The following CREBBP variants were observed in gnomAD, a reference collection of about 807,000 sequenced individuals.
CREBBP encodes CREB binding lysine acetyltransferase.
In CREBBP, 19 loss-of-function variants were observed where a neutral mutation model predicts 265.0. The ratio of observed to expected loss-of-function variants is 0.07; its 90% CI spans 0.05 to 0.11. CREBBP has a LOEUF of 0.11. Among genes scored for constraint, CREBBP ranks in the 10% least tolerant of loss-of-function variants. The pLI is 1.00. For synonymous variants in CREBBP, 1,457 were observed against 1,223.7 expected (o/e 1.19, Z -3.98); for missense variants, 2,525 against 3,219.0 (o/e 0.78, Z 5.22).
chr16:3,798,851 G>T (rs2053657598), intron 3 of CREBBP, among the ~76,000 whole-genome samples: 1 of 152,110 alleles, frequency 6.6e-6, no homozygotes, highest in Admixed American at 6.6e-5. Context: ...CAAAAGAACT[G>T]AAAATGCACG....
chr16:3,802,186 CA>C (rs1252345466), intron 3 of CREBBP, among the ~76,000 whole-genome samples: 41 of 112,698 alleles, frequency 3.6e-4, no homozygotes, highest in Non-Finnish European at 9.8e-5. Flanking sequence ...GGCTGGAGTG[CA>C]ATAGCATGAT....
Position 3,773,781 on chromosome 16 carries a change from C to A in CREBBP, c.2433G>T (p.Gly811=), listed in dbSNP as rs2141214748. The A allele has an allele frequency of 1.2e-6, 2 of 1,613,756 alleles. No individual in the cohort carries two copies. The highest frequency in any genetic ancestry group is 8.5e-7 in the Non-Finnish European group (1 of 1,180,036). ...SSSGAMSVGM[G]QPPAQTGVSQ... is the part of the protein sequence containing the mutation. ...ACACGCCTGTTTGGGCTGGCGGCTG[C>A]CCCATGCCCACACTCATCGCCCCGC... Residue 811 remains glycine, a synonymous_variant, in exon 13 of 31, where the codon GGG becomes GGT. Coordinates refer to ENST00000262367, the MANE Select transcript of CREBBP (RefSeq NM_004380.3).
intron 5 of CREBBP, 52 bp from the exon 6 acceptor site, chr16:3,782,978 G>A (rs2141253430): frequency 6.2e-7 from 1 of 1,611,302 alleles, no homozygotes. Context: ...GTAAAAGGGA[G>A]AAGCCCACGA....
At chr16:3,810,537 G>T in intron 3 of CREBBP, 66 bp downstream of exon 3, 1 of 1,566,794 alleles carries the variant, frequency 6.4e-7, no homozygotes, top group South Asian at 1.1e-5. Context: ...CTGTGAGAAT[G>T]GTAAAAATCC....
chr16:3,877,563 T>G (rs563678762), intron 1 of CREBBP, among the ~76,000 whole-genome samples: 2 of 152,240 alleles, frequency 1.3e-5, no homozygotes, highest in Admixed American at 6.5e-5. Flanking sequence ...TCACCATGCC[T>G]GGCTATGTTT....
At chr16:3,781,428 T>C in intron 6 of CREBBP, 122 bp from the exon 7 acceptor site, 1 of 796,512 alleles carries the variant, frequency 1.3e-6, no homozygotes, top group South Asian at 1.5e-5. Context: ...TAAGTGATTC[T>C]GGCCAGTTAT....
In CREBBP at chr16:3,850,730, G is replaced by T; in HGVS notation, c.365C>A (p.Pro122His). Residue 122 changes from proline to histidine, a missense_variant, in exon 2 of 31, where the codon CCT becomes CAT. Transcript: ENST00000262367. Reference sequence around the variant, plus strand: ...GGCTGAAGAATCTCCCTGGCTCAGAGGGCTCTTGCCCATGGCACTGAGGCT... The same window carrying T: ...GGCTGAAGAATCTCCCTGGCTCAGATGGCTCTTGCCCATGGCACTGAGGCT... ...MASLSAMGKS[P>H]LSQGDSSAPS... 7 of 1,614,076 alleles carry T rather than the reference G, an allele frequency of 4.3e-6. No individual in the cohort carries two copies. The highest frequency in any genetic ancestry group is 5.9e-6 in the Non-Finnish European group (7 of 1,180,054).
chr16:3,833,096 A>AGT (rs1358343708), intron 2 of CREBBP, among the ~76,000 whole-genome samples: 3 of 152,244 alleles, frequency 2.0e-5, no homozygotes, highest in Non-Finnish European at 4.4e-5. Flanking sequence ...AGACAAGGGA[A>AGT]GAACACTGTC....
Position 3,865,311 on chromosome 16 carries a change from TA to T in CREBBP, c.86-14303del, listed in dbSNP as rs2055155545. 2.0e-5 allele frequency among the ~76,000 whole-genome samples: 3 copies of T among 152,200 alleles called. No homozygotes were observed. In the South Asian group the frequency reaches 6.2e-4, roughly 32 times the overall value. ...GTTTGTGAGAAGACAAGACTGGAAA[TA>T]ACCTAAATGTCCACCAGTGGGGAGA... On this transcript the variant is annotated intron_variant, in intron 1 of 30. Transcript: ENST00000262367.
chr16:3,766,425 TCTTA>T (rs1299715498), intron 16 of CREBBP, among the ~76,000 whole-genome samples: 1 of 152,224 alleles, frequency 6.6e-6, no homozygotes, highest in Non-Finnish European at 1.5e-5. Context: ...ACGCCACTAT[TCTTA>T]CTTATTTTTG....
At chr16:3,841,515 C>G (rs2054566498) in intron 2 of CREBBP, among the ~76,000 whole-genome samples, 1 of 151,960 alleles carries the variant, frequency 6.6e-6, no homozygotes, top group Non-Finnish European at 1.5e-5. Flanking sequence ...ATGGTGCACA[C>G]CTATAGTACC....
intron 24 of CREBBP, 91 bp from the exon 25 acceptor site, chr16:3,739,815 T>G: frequency 6.4e-7 from 1 of 1,570,180 alleles, no homozygotes; most frequent in Non-Finnish European, 8.7e-7. Flanking sequence ...CTCTGGCCAC[T>G]GCAGATGAGC....
At chr16:3,812,471 G>A (rs766315492) in intron 2 of CREBBP, among the ~76,000 whole-genome samples, 10 of 151,846 alleles carry the variant, frequency 6.6e-5, no homozygotes, top group South Asian at 2.1e-4. Flanking sequence ...GAGCCACTGC[G>A]CCCGGCCTAA....
chr16:3,843,369 C>T (rs2054602436), intron 2 of CREBBP, among the ~76,000 whole-genome samples: 1 of 151,228 alleles, frequency 6.6e-6, no homozygotes, highest in Admixed American at 6.6e-5. Flanking sequence ...TAAGAGACTA[C>T]TAAAAGCCTA....
At chr16:3,771,819 T>TAAAA (rs1381915361) in intron 13 of CREBBP, among the ~76,000 whole-genome samples, 54 of 135,798 alleles carry the variant, frequency 4.0e-4, no homozygotes, top group African/African-American at 1.3e-3. Context: ...TTTTTTTTTT[T>TAAAA]AAAAAAAAAA....
chr16:3,796,043 G>A (rs1033577847), intron 3 of CREBBP, among the ~76,000 whole-genome samples: 2 of 152,084 alleles, frequency 1.3e-5, no homozygotes, highest in Non-Finnish European at 2.9e-5. Flanking sequence ...TTAATCTATT[G>A]TATCTTCCCT....
In CREBBP at chr16:3,782,933, C is replaced by G. The variant is rs1296545908; in HGVS notation, c.1331-7G>C. 5 of 1,614,062 alleles carry G rather than the reference C, an allele frequency of 3.1e-6. No homozygotes were observed. The South Asian group carries it at 5.5e-5, about 18-fold the overall frequency. On this transcript the variant is annotated splice_polypyrimidine_tract_variant and splice_region_variant and intron_variant, in intron 5 of 30. Transcript: ENST00000262367. ...GCTGGAGACCCCAGGATGGCTATAA[C>G]GACAAACAGACAGACAGACAAAAAC...
At chr16:3,785,128 T>C (rs1394366194) in intron 5 of CREBBP, among the ~76,000 whole-genome samples, 4 of 152,188 alleles carry the variant, frequency 2.6e-5, no homozygotes, top group Non-Finnish European at 5.9e-5. Context: ...AGGCATTCAC[T>C]GCAGGGTGAT....
chr16:3,832,625 C>T (rs961828013), intron 2 of CREBBP, among the ~76,000 whole-genome samples: 3 of 152,084 alleles, frequency 2.0e-5, no homozygotes, highest in South Asian at 2.1e-4. Context: ...GCAACTGTAA[C>T]AAAATTGTAA....
Sources: gnomAD v4.1 joint callset for allele counts (sites outside exome capture counted in the v4.1 genomes callset) on GRCh38, gnomAD v4.1.1 for gene constraint, MANE v1.5 for transcripts, NCBI Gene and HGNC (gene_info 2026-07-23, HGNC 2026-07-21) for gene names.